ADCY2: variants seen among roughly 807,000 people sequenced by gnomAD.
ADCY2 encodes the protein adenylate cyclase type 2.
Under a neutral mutation model 125.2 loss-of-function variants are expected in ADCY2, and 31 were observed. The ratio of observed to expected loss-of-function variants is 0.25; its 90% confidence interval spans 0.19 to 0.33. The LOEUF is 0.33. Among genes scored for constraint, ADCY2 ranks in the 10% least tolerant of loss-of-function variants. ADCY2 has a pLI of 1.00. For synonymous variants in ADCY2, 512 were observed against 548.4 expected, an observed-to-expected ratio of 0.93 and a Z score of 0.93; for missense variants, 904 against 1,418.2, an observed-to-expected ratio of 0.64 and a Z score of 5.82.
chr5:7,411,049 G>A (rs1175107366), intron 1 of ADCY2, among the ~76,000 whole-genome samples: 1 of 152,160 alleles, frequency 6.6e-6, no homozygotes, highest in African/African-American at 2.4e-5. Flanking sequence ...GAAGACTGTG[G>A]CCTGTAAGCT....
At position 7,486,517 on chromosome 5, in the gene ADCY2, T is replaced by C. The variant is rs1475672253; in HGVS notation, c.409-34221T>C. On this transcript the variant is annotated intron_variant, in intron 2 of 24. Transcript: ENST00000338316. Reference sequence around the variant, plus strand: ...GTGTTTAGGGAAGGGCAACACCCGCTCTTTGCAGTAGCTGATAGCTGCATG... The same window carrying C: ...GTGTTTAGGGAAGGGCAACACCCGCCCTTTGCAGTAGCTGATAGCTGCATG... 4.6e-5 allele frequency among the ~76,000 whole-genome samples: 7 copies of C among 152,186 alleles called. No homozygotes were observed. The East Asian group carries it at 1.3e-3, about 29-fold the overall frequency.
intron 22 of ADCY2, among the ~76,000 whole-genome samples, chr5:7,815,765 A>G (rs1017753130): frequency 6.6e-6 from 1 of 152,212 alleles, no homozygotes; most frequent in Non-Finnish European, 1.5e-5. Flanking sequence ...TCGTGGGATG[A>G]CACAGCCCTC....
chr5:7,824,025 G>A (rs1445498177), intron 24 of ADCY2, among the ~76,000 whole-genome samples: 1 of 152,154 alleles, frequency 6.6e-6, no homozygotes, highest in Admixed American at 6.5e-5. Flanking sequence ...GAAGCTGAAG[G>A]GCTGCATTTG....
intron 2 of ADCY2, among the ~76,000 whole-genome samples, chr5:7,438,293 C>A (rs573202298): frequency 1.3e-5 from 2 of 152,298 alleles, no homozygotes; most frequent in South Asian, 4.1e-4. Flanking sequence ...AGAGGCTAGG[C>A]CCTGGAATTA....
intron 3 of ADCY2, among the ~76,000 whole-genome samples, chr5:7,593,511 T>G (rs111910298): frequency 1.3e-5 from 2 of 152,086 alleles, no homozygotes; most frequent in African/African-American, 4.8e-5. Flanking sequence ...CACAGGACTT[T>G]GTTACCAACA....
intron 4 of ADCY2, among the ~76,000 whole-genome samples, chr5:7,651,649 C>T (rs527784813): frequency 6.6e-6 from 1 of 152,246 alleles, no homozygotes; most frequent in South Asian, 2.1e-4. Context: ...AGCCCACTGA[C>T]TCAAATGTTA....
intron 14 of ADCY2, among the ~76,000 whole-genome samples, chr5:7,742,081 T>C (rs1280743353): frequency 6.8e-6 from 1 of 147,158 alleles, no homozygotes; most frequent in Non-Finnish European, 1.5e-5. Context: ...GCCTTATGAA[T>C]CTGGCATTAC....
At chr5:7,505,820 T>G (rs768533769) in intron 2 of ADCY2, among the ~76,000 whole-genome samples, 11 of 152,238 alleles carry the variant, frequency 7.2e-5, no homozygotes, top group Non-Finnish European at 1.0e-4. Flanking sequence ...AATAATTCAC[T>G]CATTTTCCCT....
chr5:7,780,783 T>C (rs1195273277), intron 18 of ADCY2, among the ~76,000 whole-genome samples: 2 of 149,814 alleles, frequency 1.3e-5, no homozygotes, highest in Non-Finnish European at 3.0e-5. Flanking sequence ...CATGAAAATG[T>C]CCTTTTTTAC....
chr5:7,506,789 CTTTTTTT>C lies in ADCY2; in HGVS notation c.409-13926_409-13920del, dbSNP rs70940743. On this transcript the variant is annotated intron_variant, in intron 2 of 24. Transcript: ENST00000338316. ...AGGGGTAAATGTGTGATGCGTTGCT[CTTTTTTT>C]TTTTTTTTTTTTTTTTTTTTTTGCT... Among the ~76,000 whole-genome samples, 12 of 55,058 alleles carry C rather than the reference CTTTTTTT, an allele frequency of 2.2e-4. No individual in the cohort carries two copies. The East Asian group carries it at 2.7e-3, about 12-fold the overall frequency. The allele number at this position is 55,058 out of a possible 152,430, so 36.1% of individuals were successfully genotyped here.
chr5:7,530,845 C>T (rs1228276513), intron 3 of ADCY2, among the ~76,000 whole-genome samples: 1 of 152,040 alleles, frequency 6.6e-6, no homozygotes, highest in Non-Finnish European at 1.5e-5. Flanking sequence ...CATGCTGTAC[C>T]CTCTGCCCAG....
At chr5:7,822,806 G>A (rs1052164768) in intron 24 of ADCY2, among the ~76,000 whole-genome samples, 25 of 152,064 alleles carry the variant, frequency 1.6e-4, no homozygotes, top group African/African-American at 5.8e-4. Context: ...TTTCACCCCC[G>A]TTATGTTACA....
intron 5 of ADCY2, chr5:7,691,875 G>A (rs550932482): frequency 1.2e-4 from 19 of 159,042 alleles, no homozygotes; most frequent in East Asian, 3.7e-4. Flanking sequence ...TTATAATCAC[G>A]GCAGAAGGTG....
intron 2 of ADCY2, among the ~76,000 whole-genome samples, chr5:7,494,547 C>T (rs1743279443): frequency 6.6e-6 from 1 of 152,044 alleles, no homozygotes; most frequent in Non-Finnish European, 1.5e-5. Context: ...CAAATTTCAC[C>T]ATCCTTAACC....
intron 2 of ADCY2, among the ~76,000 whole-genome samples, chr5:7,434,637 A>G (rs1336564351): frequency 6.6e-6 from 1 of 152,238 alleles, no homozygotes; most frequent in Admixed American, 6.5e-5. Flanking sequence ...GCTATTTAAT[A>G]AATGCAGAAG....
chr5:7,557,548 C>T (rs1251704024), intron 3 of ADCY2, among the ~76,000 whole-genome samples: 1 of 152,050 alleles, frequency 6.6e-6, no homozygotes, highest in Non-Finnish European at 1.5e-5. Flanking sequence ...TCCAATAGGC[C>T]CCAGAGTGTG....
At chr5:7,681,364 G>C (rs1740329488) in intron 4 of ADCY2, among the ~76,000 whole-genome samples, 1 of 152,176 alleles carries the variant, frequency 6.6e-6, no homozygotes, top group Non-Finnish European at 1.5e-5. Context: ...GTTATCTCCT[G>C]GGTTGTATCT....
chr5:7,444,756 A>G (rs1741171304), intron 2 of ADCY2, among the ~76,000 whole-genome samples: 2 of 152,176 alleles, frequency 1.3e-5, no homozygotes, highest in Admixed American at 1.3e-4. Flanking sequence ...GTAGTGCCTA[A>G]CAGTGCCTGG....
intron 12 of ADCY2, among the ~76,000 whole-genome samples, chr5:7,721,280 G>A (rs1741749056): frequency 6.6e-6 from 1 of 152,144 alleles, no homozygotes; most frequent in Non-Finnish European, 1.5e-5. Flanking sequence ...TGAGTTCTTT[G>A]TAGATTCTGG....
Sources: allele counts gnomAD v4.1 joint callset (sites outside exome capture counted in the v4.1 genomes callset), GRCh38; gene constraint gnomAD v4.1.1; transcripts MANE v1.5; gene names NCBI Gene and HGNC (gene_info 2026-07-23, HGNC 2026-07-21).